Variants in ERBB4 observed in about 807,000 individuals in gnomAD.
The protein encoded by ERBB4 is receptor tyrosine-protein kinase erbB-4.
A neutral mutation model predicts 158.0 loss-of-function variants in ERBB4; 42 were observed. The observed-to-expected ratio is 0.27, with a 90% confidence interval of 0.21 to 0.34. ERBB4 has a LOEUF of 0.34. Among genes scored for constraint, ERBB4 ranks in the 10% least tolerant of loss-of-function variants. ERBB4 has a pLI of 1.00. For missense variants in ERBB4, 1,333 were observed against 1,624.1 expected, an observed-to-expected ratio of 0.82 and a Z score of 3.08; for synonymous variants, 583 against 558.7, an observed-to-expected ratio of 1.04 and a Z score of -0.61.
At chr2:212,538,024 G>C (rs904907317) in intron 1 of ERBB4, among the ~76,000 whole-genome samples, 6 of 152,174 alleles carry the variant, frequency 3.9e-5, no homozygotes, top group Non-Finnish European at 7.3e-5. Context: ...GCTCGGCTCG[G>C]GAGAGGCCCA....
rs138511377 is a variant in ERBB4 at position 211,617,241 on chromosome 2, T to C, written c.2301+1936A>G. Among the ~76,000 whole-genome samples, 621 of 152,264 alleles carry C rather than the reference T, an allele frequency of 4.1e-3. 1 individual carries two copies. The highest frequency in any genetic ancestry group is 0.014 in the African/African-American group (583 of 41,576). On this transcript the variant is annotated intron_variant, in intron 19 of 27. Transcript: ENST00000342788. ...CATTCTCATGAATTTCAGCTTTGGC[T>C]GTAGTCTAGGCTGGCAAGATTTTTT...
intron 3 of ERBB4, among the ~76,000 whole-genome samples, chr2:211,861,532 A>G (rs935138707): frequency 2.0e-5 from 3 of 151,600 alleles, no homozygotes; most frequent in Non-Finnish European, 4.4e-5. Context: ...ACCCAAACAC[A>G]ATTTGAATAT....
chr2:211,386,934 C>T lies in ERBB4; in HGVS notation c.3400G>A (p.Val1134Met), dbSNP rs139785964. Reference sequence around the variant, plus strand: ...CGTGGGCTCCGTTCTGGGGCAAACACGGTGGGGTCAGCACTGTACCTCTGG... The same window carrying T: ...CGTGGGCTCCGTTCTGGGGCAAACATGGTGGGGTCAGCACTGTACCTCTGG... Reference protein sequence around the residue: ...STQRYSADPTVFAPERSPRGE... With the variant: ...STQRYSADPTMFAPERSPRGE... The change falls in exon 27 of 28, where the codon GTG becomes ATG. Residue 1134 changes from valine to methionine, a missense_variant. Physicochemically the swap from Val to Met is conservative, Grantham distance 21. This residue lies in a region of ERBB4 where 252 missense variants were observed against 241.3 expected (regional missense o/e 1.04). Transcript: ENST00000342788. 8.1e-5 allele frequency: 131 copies of T among 1,614,128 alleles called. No homozygotes were observed. Among genetic ancestry groups the T allele is most frequent in the South Asian group, 1.9e-4 (17 of 91,078 alleles).
chr2:212,412,833 A>T (rs2091536114), intron 1 of ERBB4, among the ~76,000 whole-genome samples: 1 of 152,234 alleles, frequency 6.6e-6, no homozygotes, highest in African/African-American at 2.4e-5. Context: ...CAATGTTAGC[A>T]TATTTAAAAA....
chr2:212,042,033 C>CT (rs1232010304), intron 2 of ERBB4, among the ~76,000 whole-genome samples: 1 of 152,030 alleles, frequency 6.6e-6, no homozygotes, highest in Non-Finnish European at 1.5e-5. Context: ...CTTCCACGCT[C>CT]TATTATCTCC....
At chr2:212,210,587 C>T (rs1029718699) in intron 1 of ERBB4, among the ~76,000 whole-genome samples, 2 of 152,234 alleles carry the variant, frequency 1.3e-5, no homozygotes, top group South Asian at 2.1e-4. Context: ...TGGATAGGGA[C>T]AGACAGCAGG....
chr2:211,898,163 T>C (rs1331164478), intron 3 of ERBB4, among the ~76,000 whole-genome samples: 1 of 152,026 alleles, frequency 6.6e-6, no homozygotes, highest in Non-Finnish European at 1.5e-5. Flanking sequence ...CTAAAAAAGA[T>C]ATTATAATAT....
intron 5 of ERBB4, among the ~76,000 whole-genome samples, chr2:211,745,580 A>C (rs533492724): frequency 1.3e-4 from 20 of 152,232 alleles, no homozygotes; most frequent in Admixed American, 2.6e-4. Flanking sequence ...AAATTGGAAT[A>C]AGTTTTCTAA....
At chr2:211,685,715 T>C (rs936163104) in intron 12 of ERBB4, among the ~76,000 whole-genome samples, 5 of 152,192 alleles carry the variant, frequency 3.3e-5, no homozygotes, top group Admixed American at 2.6e-4. Context: ...TTAGGGAGAA[T>C]TGACATCTTT....
At chr2:211,553,167 C>A (rs560980150) in intron 20 of ERBB4, among the ~76,000 whole-genome samples, 2 of 152,048 alleles carry the variant, frequency 1.3e-5, no homozygotes, top group East Asian at 1.9e-4. Context: ...CGGGGTTTCA[C>A]CGTGTTGGCC....
At chr2:211,658,112 A>G in intron 15 of ERBB4, 1 of 688,536 alleles carries the variant, frequency 1.5e-6, no homozygotes, top group Non-Finnish European at 2.3e-6. Flanking sequence ...TTTGGAACAC[A>G]ATGAATTTCA....
intron 25 of ERBB4, among the ~76,000 whole-genome samples, chr2:211,398,641 G>A (rs1405327644): frequency 2.0e-5 from 3 of 152,118 alleles, no homozygotes; most frequent in East Asian, 1.9e-4. Flanking sequence ...AGGAGTTCAA[G>A]ACCAGATGGT....
chr2:211,531,914 C>T (rs2066510599), intron 20 of ERBB4, among the ~76,000 whole-genome samples: 1 of 152,068 alleles, frequency 6.6e-6, no homozygotes. Context: ...ACCTAAATGT[C>T]CATCCACAGA....
chr2:212,138,387 C>T (rs1575688418), intron 1 of ERBB4, among the ~76,000 whole-genome samples: 1 of 152,004 alleles, frequency 6.6e-6, no homozygotes, highest in African/African-American at 2.4e-5. Context: ...TGGATGTTTG[C>T]CCCCTCCAAA....
At chr2:212,118,025 T>TA (rs1456063219) in intron 2 of ERBB4, among the ~76,000 whole-genome samples, 1 of 152,196 alleles carries the variant, frequency 6.6e-6, no homozygotes, top group African/African-American at 2.4e-5. Flanking sequence ...TAAATCATGC[T>TA]ATGCAGCAGA....
chr2:211,817,377 T>G (rs536481481), intron 3 of ERBB4, among the ~76,000 whole-genome samples: 8 of 152,308 alleles, frequency 5.3e-5, no homozygotes, highest in African/African-American at 2.4e-5. Context: ...AGCTAGGCAA[T>G]TCTAATTACT....
At chr2:211,975,751 C>T (rs2081588640) in intron 2 of ERBB4, among the ~76,000 whole-genome samples, 1 of 152,022 alleles carries the variant, frequency 6.6e-6, no homozygotes, top group Non-Finnish European at 1.5e-5. Context: ...TCATTAGTAA[C>T]AGAATTCACA....
At chr2:211,395,909 T>G (rs945970989) in intron 25 of ERBB4, among the ~76,000 whole-genome samples, 2 of 152,052 alleles carry the variant, frequency 1.3e-5, no homozygotes, top group African/African-American at 2.4e-5. Context: ...TACTTTTACC[T>G]TCACAGCATT....
chr2:211,854,701 T>C (rs189360005), intron 3 of ERBB4, among the ~76,000 whole-genome samples: 1 of 152,288 alleles, frequency 6.6e-6, no homozygotes, highest in Admixed American at 6.5e-5. Flanking sequence ...ATTCTATGTG[T>C]GCCTATAACA....
Sources: gnomAD v4.1 joint callset for allele counts (sites outside exome capture counted in the v4.1 genomes callset) on GRCh38, gnomAD v4.1.1 for gene constraint, gnomAD v4.1.1 regional missense constraint, MANE v1.5 for transcripts, NCBI Gene and HGNC (gene_info 2026-07-23, HGNC 2026-07-21) for gene names.